Variants in UGCG observed in about 807,000 individuals in gnomAD.
The protein encoded by UGCG is ceramide glucosyltransferase.
Under a neutral mutation model 49.5 loss-of-function variants are expected in UGCG, and 10 were observed. The ratio of observed to expected loss-of-function variants is 0.20; its 90% CI spans 0.12 to 0.34. The LOEUF is 0.34. Among genes scored for constraint, UGCG ranks in the 10% least tolerant of loss-of-function variants. The probability of loss-of-function intolerance (pLI) is 1.00; values close to 1 mark genes in which losing one functional copy is unlikely to be tolerated. For synonymous variants in UGCG, 182 were observed against 158.2 expected (o/e 1.15, Z -1.13); for missense variants, 312 against 483.7 (o/e 0.65, Z 3.33).
At chr9:111,926,267 T>A in intron 4 of UGCG, 117 bp from the exon 5 acceptor site, 1 of 611,752 alleles carries the variant, frequency 1.6e-6, no homozygotes, top group Non-Finnish European at 2.8e-6. Context: ...ATGTTTAAAA[T>A]AATGTATTTT....
Position 111,914,766 on chromosome 9 carries a change from T to G in UGCG, c.240+20T>G, listed in dbSNP as rs1564200960. The G allele has an allele frequency of 6.2e-7, 1 of 1,605,934 alleles. No individual in the cohort carries two copies. The highest frequency in any genetic ancestry group is 8.5e-7 in the Non-Finnish European group (1 of 1,175,974). ...CCCAAAGTAAGTTCAGTGTTACGGT[T>G]TTTTGTTTTGTTTTGTTTTGTTTTG... On this transcript the variant is annotated intron_variant, in intron 2 of 8. Coordinates refer to ENST00000374279, the MANE Select transcript of UGCG (RefSeq NM_003358.3).
chr9:111,920,913 T>C (rs1253494107), intron 2 of UGCG, among the ~76,000 whole-genome samples: 1 of 151,514 alleles, frequency 6.6e-6, no homozygotes, highest in East Asian at 1.9e-4. Flanking sequence ...TCGTTTTGTT[T>C]TTTTTTTGAG....
chr9:111,898,303 G>T (rs1837703746), intron 1 of UGCG, among the ~76,000 whole-genome samples: 1 of 151,986 alleles, frequency 6.6e-6, no homozygotes, highest in African/African-American at 2.4e-5. Context: ...GGAGAAAAGA[G>T]CAATTGTATA....
chr9:111,926,861 CTTTTTTTTTTTTTTTTTTTT>C (rs56298523), intron 5 of UGCG, among the ~76,000 whole-genome samples: 1 of 56,848 alleles, frequency 1.8e-5, no homozygotes, highest in South Asian at 7.2e-4. Flanking sequence ...TCCCCCCAGC[CTTTTTTTTTTTTTTTTTTTT>C]TTTTTTTTTG....
chr9:111,908,562 C>T (rs1481013694), intron 1 of UGCG, among the ~76,000 whole-genome samples: 1 of 152,150 alleles, frequency 6.6e-6, no homozygotes, highest in African/African-American at 2.4e-5. Context: ...ATAATATGTA[C>T]ATTATGTATC....
At position 111,935,296 on chromosome 9, in the gene UGCG, A is replaced by T. The variant is rs1363618770; in HGVS notation, c.*2299A>T. On this transcript the variant is annotated 3_prime_UTR_variant, in exon 9 of 9. Coordinates refer to ENST00000374279, the MANE Select transcript of UGCG (RefSeq NM_003358.3). ...TAAAAAAAACCAGTGTCTAGAATATATACCATGTTTTATTATTTAAAATCA... is the reference window on the plus strand; with the variant it reads ...TAAAAAAAACCAGTGTCTAGAATATTTACCATGTTTTATTATTTAAAATCA... 6.6e-6 allele frequency: 1 copy of T among 152,174 alleles called. No homozygotes were observed. Among genetic ancestry groups the T allele is most frequent in the Non-Finnish European group, 1.5e-5 (1 of 68,022 alleles). The allele number at this position is 152,174 out of a possible 1,614,324, so 9.4% of individuals were successfully genotyped here.
chr9:111,931,944 G>A (rs184517751), intron 7 of UGCG, among the ~76,000 whole-genome samples: 255 of 152,040 alleles, frequency 1.7e-3, no homozygotes, highest in South Asian at 4.6e-3. Flanking sequence ...TGGGAAGATC[G>A]CTTGAGCCTG....
At chr9:111,932,014 C>T (rs1483259797) in intron 7 of UGCG, 156 bp from the exon 8 acceptor site, 10 of 748,762 alleles carry the variant, frequency 1.3e-5, no homozygotes, top group South Asian at 3.9e-5. Context: ...AGCAGAACCC[C>T]GTCTCAAGTA....
intron 2 of UGCG, among the ~76,000 whole-genome samples, chr9:111,918,443 C>A (rs772781452): frequency 4.6e-5 from 7 of 152,156 alleles, no homozygotes; most frequent in Non-Finnish European, 1.0e-4. Context: ...TGGTTAAAAT[C>A]TGATACTTTA....
intron 2 of UGCG, among the ~76,000 whole-genome samples, chr9:111,917,643 T>G (rs145798262): frequency 1.2e-4 from 18 of 152,368 alleles, no homozygotes; most frequent in South Asian, 4.1e-4. Context: ...ATTTTGGACA[T>G]GTGCAAGAAA....
chr9:111,900,179 GTGAAATTGTATAAAAGCCTAGACC>G (rs1232694458), intron 1 of UGCG, among the ~76,000 whole-genome samples: 2 of 151,068 alleles, frequency 1.3e-5, no homozygotes, highest in East Asian at 3.9e-4. Context: ...GGGGCCTAAG[GTGAAATTGTATAAAAGCCTAGACC>G]TGATGGTAGT....
chr9:111,921,848 T>C (rs62570263), intron 2 of UGCG, among the ~76,000 whole-genome samples: 2,517 of 123,616 alleles, frequency 0.02, 36 homozygotes, highest in Non-Finnish European at 0.031. Flanking sequence ...TCTCACTCTG[T>C]TTCCCAGGCT....
At position 111,932,212 on chromosome 9, in the gene UGCG, T is replaced by G; in HGVS notation, c.867T>G (p.Ile289Met). 6.2e-7 allele frequency: 1 copy of G among 1,614,142 alleles called. No homozygotes were observed. Among genetic ancestry groups the G allele is most frequent in the Non-Finnish European group, 8.5e-7 (1 of 1,180,012 alleles). ...TTAACATGCTTCCTGCTACAATAAT[T>G]TGTGAGCCAATTTCAGAATGCTTTG... ...LRINMLPATI[I>M]CEPISECFVA... The change falls in exon 8 of 9, where the codon ATT (isoleucine) becomes ATG (methionine). Residue 289 changes from isoleucine to methionine, a missense_variant. By Grantham distance (10) the Ile-to-Met change is conservative. Transcript: ENST00000374279.
chr9:111,930,691 A>G (rs1277820132), intron 6 of UGCG, among the ~76,000 whole-genome samples: 2 of 151,394 alleles, frequency 1.3e-5, no homozygotes, highest in African/African-American at 4.9e-5. Flanking sequence ...GCTAGTCTTG[A>G]ACTCCTGACC....
chr9:111,932,007 A>G, intron 7 of UGCG, 163 bp from the exon 8 acceptor site: 1 of 716,844 alleles, frequency 1.4e-6, no homozygotes, highest in East Asian at 2.7e-5. Context: ...GTGACAGAGC[A>G]GAACCCCGTC....
rs760214108 is a variant in UGCG, at chr9:111,914,743, C to G, written c.237C>G (p.Pro79=). The part of the protein sequence containing the change: ...NLETFFELDY[P]KYEVLLCVQD... ...AAACATTCTTTGAATTGGATTATCC[C>G]AAAGTAAGTTCAGTGTTACGGTTTT... is the stretch of plus-strand genomic sequence containing the variant. The change falls in exon 2 of 9, where the codon CCC becomes CCG. Residue 79 remains proline (P), a synonymous_variant. Transcript: ENST00000374279. 2 of 1,610,502 alleles carry G rather than the reference C, an allele frequency of 1.2e-6. No individual in the cohort carries two copies. The highest frequency in any genetic ancestry group is 2.2e-5 in the South Asian group (2 of 90,856).
Position 111,902,654 on chromosome 9 carries a change from A to G in UGCG, c.98+5341A>G, listed in dbSNP as rs114958797. 4.1e-3 allele frequency among the ~76,000 whole-genome samples: 622 copies of G among 152,338 alleles called. 5 individuals are homozygous for G. Among genetic ancestry groups the G allele is most frequent in the African/African-American group, 0.014 (588 of 41,572 alleles). ...AGGGAAGATAAATTCCTAGAGTCAG[A>G]TAAATTGGTTCAGCAGAACCACACA... On this transcript the variant is annotated intron_variant, in intron 1 of 8. Transcript: ENST00000374279.
intron 5 of UGCG, among the ~76,000 whole-genome samples, chr9:111,928,355 T>C (rs2118594488): frequency 6.6e-6 from 1 of 152,360 alleles, no homozygotes; most frequent in South Asian, 2.1e-4. Context: ...TATTTTTGTC[T>C]TAGAAATATC....
intron 1 of UGCG, among the ~76,000 whole-genome samples, chr9:111,900,480 G>A (rs555087883): frequency 0.011 from 1,612 of 149,010 alleles, 36 homozygotes; most frequent in African/African-American, 0.038. Flanking sequence ...ATGTATATGT[G>A]TGTGTGTGTG....
Sources: gnomAD v4.1 joint callset for allele counts (sites outside exome capture counted in the v4.1 genomes callset) on GRCh38, gnomAD v4.1.1 for gene constraint, MANE v1.5 for transcripts, NCBI Gene and HGNC (gene_info 2026-07-23, HGNC 2026-07-21) for gene names.